The following MAML2 variants were observed in gnomAD, a reference collection of about 807,000 sequenced individuals.
The protein encoded by MAML2 is mastermind like transcriptional coactivator 2.
A neutral mutation model predicts 96.1 loss-of-function variants in MAML2; 22 were observed. The observed-to-expected ratio is 0.23, with a 90% CI of 0.16 to 0.33. The LOEUF (loss-of-function observed/expected upper bound fraction) is 0.33, where lower values mean the gene tolerates loss of function less well. Among genes scored for constraint, MAML2 ranks in the 10% least tolerant of loss-of-function variants. The pLI is 1.00. For missense variants in MAML2, 1,367 were observed against 1,392.4 expected (o/e 0.98, Z 0.29); for synonymous variants, 561 against 521.3 (o/e 1.08, Z -1.04).
intron 2 of MAML2, among the ~76,000 whole-genome samples, chr11:96,059,096 C>A (rs1314356036): frequency 6.6e-6 from 1 of 151,946 alleles, no homozygotes. Flanking sequence ...ATGATAATAG[C>A]AATAAAAAAT....
At chr11:96,193,971 C>A (rs1861694999) in intron 1 of MAML2, among the ~76,000 whole-genome samples, 1 of 152,148 alleles carries the variant, frequency 6.6e-6, no homozygotes, top group Non-Finnish European at 1.5e-5. Flanking sequence ...GAGAGGATCC[C>A]AATCTCCTAC....
At chr11:96,032,224 A>G (rs1422233412) in intron 2 of MAML2, among the ~76,000 whole-genome samples, 1 of 152,172 alleles carries the variant, frequency 6.6e-6, no homozygotes, top group Non-Finnish European at 1.5e-5. Flanking sequence ...GCAGATTCTT[A>G]TAAAGTTAAA....
At chr11:96,334,404 C>A (rs1863891134) in intron 1 of MAML2, among the ~76,000 whole-genome samples, 1 of 152,218 alleles carries the variant, frequency 6.6e-6, no homozygotes, top group Non-Finnish European at 1.5e-5. Context: ...CTCCATTTCA[C>A]AGTCGAGAAA....
intron 1 of MAML2, among the ~76,000 whole-genome samples, chr11:96,137,063 GT>G (rs1187364549): frequency 7.2e-5 from 11 of 152,218 alleles, no homozygotes; most frequent in Non-Finnish European, 1.2e-4. Context: ...TTCTCTTTCA[GT>G]GTCGTCAATT....
At chr11:96,184,135 A>C (rs1861534927) in intron 1 of MAML2, among the ~76,000 whole-genome samples, 1 of 152,176 alleles carries the variant, frequency 6.6e-6, no homozygotes, top group Non-Finnish European at 1.5e-5. Flanking sequence ...AAGCCCTAAA[A>C]AGCAACATTA....
intron 1 of MAML2, among the ~76,000 whole-genome samples, chr11:96,287,340 T>C (rs962630029): frequency 6.6e-6 from 1 of 152,194 alleles, no homozygotes; most frequent in Non-Finnish European, 1.5e-5. Context: ...TGGGGGAAAT[T>C]CATCTGACAA....
At chr11:96,272,675 A>C (rs1862933781) in intron 1 of MAML2, among the ~76,000 whole-genome samples, 1 of 152,176 alleles carries the variant, frequency 6.6e-6, no homozygotes. Flanking sequence ...AAAATGATTT[A>C]ACACACACAA....
chr11:96,335,553 G>A (rs1340900955), intron 1 of MAML2, among the ~76,000 whole-genome samples: 1 of 152,218 alleles, frequency 6.6e-6, no homozygotes, highest in Non-Finnish European at 1.5e-5. Flanking sequence ...ATGGGAGAAT[G>A]TGTAAATAGC....
intron 2 of MAML2, among the ~76,000 whole-genome samples, chr11:95,998,787 G>A (rs1240135867): frequency 6.6e-6 from 1 of 152,170 alleles, no homozygotes; most frequent in Non-Finnish European, 1.5e-5. Context: ...CACAAGTTAA[G>A]TAAGCTCACA....
At chr11:96,194,811 T>G (rs77046256) in intron 1 of MAML2, among the ~76,000 whole-genome samples, 22 of 152,220 alleles carry the variant, frequency 1.4e-4, no homozygotes, top group African/African-American at 5.1e-4. Flanking sequence ...AAAATCCTTC[T>G]GAGGTTCAAT....
At chr11:96,066,075 T>A (rs1347367768) in intron 2 of MAML2, among the ~76,000 whole-genome samples, 1 of 152,208 alleles carries the variant, frequency 6.6e-6, no homozygotes, top group Admixed American at 6.5e-5. Context: ...ATTACCCCTC[T>A]TATGGCTCTG....
At chr11:96,254,306 A>C (rs371477168) in intron 1 of MAML2, among the ~76,000 whole-genome samples, 27 of 152,232 alleles carry the variant, frequency 1.8e-4, no homozygotes, top group East Asian at 1.4e-3. Flanking sequence ...ACGTGAGAAA[A>C]ACACACTCGC....
chr11:96,066,723 A>G (rs956966523), intron 2 of MAML2, among the ~76,000 whole-genome samples: 4 of 152,216 alleles, frequency 2.6e-5, no homozygotes, highest in African/African-American at 9.7e-5. Context: ...AGTGAACAAA[A>G]CTAGGAAGGC....
chr11:96,218,045 C>T (rs1862076052), intron 1 of MAML2, among the ~76,000 whole-genome samples: 1 of 152,232 alleles, frequency 6.6e-6, no homozygotes, highest in African/African-American at 2.4e-5. Context: ...CTGCAGAATA[C>T]TTTTTCCTAC....
At chr11:96,209,577 A>AAAAC (rs561253242) in intron 1 of MAML2, among the ~76,000 whole-genome samples, 308 of 63,938 alleles carry the variant, frequency 4.8e-3, no homozygotes, top group African/African-American at 0.018. Flanking sequence ...TTCCATCTCT[A>AAAAC]AAACAAACAA....
intron 1 of MAML2, among the ~76,000 whole-genome samples, chr11:96,111,527 G>T (rs4753728): frequency 0.69 from 105,592 of 152,090 alleles, 36,907 homozygotes; most frequent in East Asian, 0.95. Flanking sequence ...TTCCCTGCTG[G>T]GAGAGCTGAA....
chr11:96,235,177 C>T (rs1387580887), intron 1 of MAML2, among the ~76,000 whole-genome samples: 12 of 152,178 alleles, frequency 7.9e-5, no homozygotes, highest in Non-Finnish European at 1.6e-4. Context: ...AAGCTCCCAA[C>T]GAGACTTCCA....
At chr11:96,139,073 A>T (rs1426322702) in intron 1 of MAML2, among the ~76,000 whole-genome samples, 1 of 152,206 alleles carries the variant, frequency 6.6e-6, no homozygotes, top group Non-Finnish European at 1.5e-5. Flanking sequence ...GATATGCCAG[A>T]ACCATGTGGT....
chr11:96,145,421 C>G (rs925198437), intron 1 of MAML2, among the ~76,000 whole-genome samples: 1 of 152,208 alleles, frequency 6.6e-6, no homozygotes, highest in Non-Finnish European at 1.5e-5. Context: ...TCTGCCTCCT[C>G]ATTTAAATGC....
Sources: gnomAD v4.1 joint callset for allele counts (sites outside exome capture counted in the v4.1 genomes callset) on GRCh38, gnomAD v4.1.1 for gene constraint, MANE v1.5 for transcripts, NCBI Gene and HGNC (gene_info 2026-07-23, HGNC 2026-07-21) for gene names.